The following NPFFR2 variants were observed in gnomAD, a reference collection of about 807,000 sequenced individuals.
NPFFR2 encodes the protein neuropeptide FF receptor 2.
A neutral mutation model predicts 13.1 loss-of-function variants in NPFFR2; 15 were observed. The observed-to-expected ratio is 1.15, with a 90% CI of 0.77 to 1.76. The LOEUF is 1.76. NPFFR2 is among the 40% of genes most tolerant of loss of function. The pLI is 0.00. For missense variants in NPFFR2, 572 were observed against 503.5 expected (o/e 1.14, Z -1.30); for synonymous variants, 190 against 175.7 (o/e 1.08, Z -0.65).
At chr4:72,036,462 A>G (rs369160917) in intron 1 of NPFFR2, among the ~76,000 whole-genome samples, 4 of 151,372 alleles carry the variant, frequency 2.6e-5, no homozygotes, top group East Asian at 3.9e-4. Flanking sequence ...CAAATGTCTC[A>G]CCACAGATTA....
intron 1 of NPFFR2, among the ~76,000 whole-genome samples, chr4:72,076,003 ACACAGAGAGAGAGAGAGG>A (rs1282246242): frequency 0.14 from 2,747 of 19,066 alleles, 89 homozygotes; most frequent in African/African-American, 0.2. Flanking sequence ...ACACACACAC[ACACAGAGAGAGAGAGAGG>A]GCAGACAGCA....
At position 72,130,497 on chromosome 4, in the gene NPFFR2, T is replaced by C. The variant is rs147647842; in HGVS notation, c.328+1578T>C. Among the ~76,000 whole-genome samples the C allele has an allele frequency of 9.7e-3, 1,474 of 152,268 alleles. 30 individuals are homozygous for C. Among genetic ancestry groups the C allele is most frequent in the African/African-American group, 0.034 (1,413 of 41,542 alleles). ...TAAAGTACTTCTGGGCCCACAGAAG[T>C]ACTTTACCTTACTGCATAGATCTGA... On this transcript the variant is annotated intron_variant, in intron 2 of 3. Coordinates refer to ENST00000308744, the MANE Select transcript of NPFFR2 (RefSeq NM_004885.3).
chr4:72,142,404 G>A lies in NPFFR2; in HGVS notation c.428+4265G>A, dbSNP rs150503205. Among the ~76,000 whole-genome samples, 188 of 152,196 alleles carry A rather than the reference G, an allele frequency of 1.2e-3. 1 individual carries two copies. The highest frequency in any genetic ancestry group is 1.8e-3 in the Admixed American group (27 of 15,280). ...TGCTTCCCAGCTAAGGTGATGCCCC[G>A]TCCTGCTTTGGCTCACCCTCCGTGG... On this transcript the variant is annotated intron_variant, in intron 3 of 3. Coordinates refer to ENST00000308744, the MANE Select transcript of NPFFR2 (RefSeq NM_004885.3).
rs112542965 is a variant in NPFFR2, at chr4:72,102,595, A to G, written c.-7-25990A>G. 5.8e-3 allele frequency among the ~76,000 whole-genome samples: 760 copies of G among 131,926 alleles called. 3 individuals carry two copies. Among genetic ancestry groups the G allele is most frequent in the African/African-American group, 0.021 (724 of 34,498 alleles). The allele number at this position is 131,926 out of a possible 152,430, so 86.5% of individuals were successfully genotyped here. On this transcript the variant is annotated intron_variant, in intron 1 of 3. Coordinates refer to ENST00000308744, the MANE Select transcript of NPFFR2 (RefSeq NM_004885.3). ...CTGTGTCCATGTGTTCTCATTGTTC[A>G]ATTCCCACCTATGAGTGAGAATATG...
In NPFFR2 at chr4:72,059,497, G is replaced by A. The variant is rs537386372; in HGVS notation, c.-8+27297G>A. On this transcript the variant is annotated intron_variant, in intron 1 of 3. Transcript: ENST00000308744. ...CAAGACTTATCTGTCTTCTTAAATAGGCAATTTAACAGGGATGTAAGAGGA... is the reference window on the plus strand; with the variant it reads ...CAAGACTTATCTGTCTTCTTAAATAAGCAATTTAACAGGGATGTAAGAGGA... Among the ~76,000 whole-genome samples the A allele has an allele frequency of 2.6e-4, 40 of 152,116 alleles. No individual in the cohort carries two copies. In the South Asian group the frequency reaches 5.4e-3, roughly 21 times the overall value.
chr4:72,048,493 T>C (rs1437875370), intron 1 of NPFFR2, among the ~76,000 whole-genome samples: 6 of 152,144 alleles, frequency 3.9e-5, no homozygotes, highest in Admixed American at 3.9e-4. Context: ...AATATACATA[T>C]ATGCCTGTGT....
At chr4:72,087,635 A>G (rs1206589592) in intron 1 of NPFFR2, among the ~76,000 whole-genome samples, 2 of 152,016 alleles carry the variant, frequency 1.3e-5, no homozygotes, top group Non-Finnish European at 2.9e-5. Context: ...ATAAGCTAAT[A>G]TCTGAGTAAT....
At chr4:72,091,547 C>T (rs185483688) in intron 1 of NPFFR2, among the ~76,000 whole-genome samples, 2 of 152,214 alleles carry the variant, frequency 1.3e-5, no homozygotes, top group Admixed American at 1.3e-4. Context: ...TCTACTTCTT[C>T]TGGTTTAATC....
At chr4:72,081,751 G>A (rs4235102) in intron 1 of NPFFR2, among the ~76,000 whole-genome samples, 145,719 of 152,162 alleles carry the variant, frequency 0.96, 70,105 homozygotes, top group East Asian at 1. Flanking sequence ...TTGGCCTCCA[G>A]AAATGCTAGG....
intron 1 of NPFFR2, among the ~76,000 whole-genome samples, chr4:72,050,787 C>T (rs1397251494): frequency 6.8e-6 from 1 of 148,138 alleles, no homozygotes; most frequent in Non-Finnish European, 1.5e-5. Flanking sequence ...CAACAGTCCC[C>T]AGAGTGTGAT....
At chr4:72,140,836 A>G (rs1421923015) in intron 3 of NPFFR2, among the ~76,000 whole-genome samples, 2 of 152,108 alleles carry the variant, frequency 1.3e-5, no homozygotes, top group Admixed American at 1.3e-4. Flanking sequence ...CAGAAGGTAT[A>G]GTACCAGCTC....
chr4:72,060,900 T>G (rs1397066555), intron 1 of NPFFR2, among the ~76,000 whole-genome samples: 1 of 152,164 alleles, frequency 6.6e-6, no homozygotes, highest in African/African-American at 2.4e-5. Flanking sequence ...TGCCACTGCA[T>G]GTTAGAGATT....
At chr4:72,042,644 C>T (rs754261334) in intron 1 of NPFFR2, among the ~76,000 whole-genome samples, 7 of 152,120 alleles carry the variant, frequency 4.6e-5, no homozygotes, top group Non-Finnish European at 8.8e-5. Flanking sequence ...GCAAAGGTAA[C>T]TCTTGTATGC....
At chr4:72,036,977 C>T (rs1436668350) in intron 1 of NPFFR2, among the ~76,000 whole-genome samples, 1 of 152,140 alleles carries the variant, frequency 6.6e-6, no homozygotes, top group African/African-American at 2.4e-5. Flanking sequence ...AGTGACATCT[C>T]AAACACCCTG....
chr4:72,054,093 A>C (rs947849686), intron 1 of NPFFR2, among the ~76,000 whole-genome samples: 3 of 151,994 alleles, frequency 2.0e-5, no homozygotes, highest in African/African-American at 4.8e-5. Flanking sequence ...TTCAATCTAT[A>C]GATTCAATCC....
At chr4:72,141,456 T>G (rs1722621407) in intron 3 of NPFFR2, among the ~76,000 whole-genome samples, 1 of 152,206 alleles carries the variant, frequency 6.6e-6, no homozygotes, top group African/African-American at 2.4e-5. Flanking sequence ...TCTGGTATGT[T>G]GTGTCTTTGT....
intron 1 of NPFFR2, among the ~76,000 whole-genome samples, chr4:72,114,573 A>T (rs1721656658): frequency 6.6e-6 from 1 of 152,134 alleles, no homozygotes; most frequent in African/African-American, 2.4e-5. Flanking sequence ...TGTTTATATT[A>T]ATTATTTGAG....
chr4:72,070,376 G>A (rs919451789), intron 1 of NPFFR2, among the ~76,000 whole-genome samples: 4 of 152,078 alleles, frequency 2.6e-5, no homozygotes, highest in Non-Finnish European at 5.9e-5. Context: ...ATAACCATAA[G>A]CAAATTCAGG....
intron 1 of NPFFR2, among the ~76,000 whole-genome samples, chr4:72,115,435 A>G (rs547892384): frequency 2.6e-4 from 39 of 152,156 alleles, no homozygotes; most frequent in South Asian, 4.1e-4. Context: ...TATTAGAAAT[A>G]TGTTCGCTGT....
Sources: gnomAD v4.1 joint callset for allele counts (sites outside exome capture counted in the v4.1 genomes callset) on GRCh38, gnomAD v4.1.1 for gene constraint, MANE v1.5 for transcripts, NCBI Gene and HGNC (gene_info 2026-07-23, HGNC 2026-07-21) for gene names.